ABTB2: variants seen among roughly 807,000 people sequenced by gnomAD.
The protein encoded by ABTB2 is ankyrin repeat and BTB/POZ domain-containing protein 2.
ABTB2 carries 56 observed loss-of-function variants against 104.1 expected under a neutral mutation model. That is an observed-to-expected ratio of 0.54 (90% CI 0.43 to 0.67). The LOEUF (loss-of-function observed/expected upper bound fraction) is 0.67. ABTB2 is among the 30% of genes least tolerant of loss of function. ABTB2 has a pLI of 0.00. For missense variants in ABTB2, 1,279 were observed against 1,407.7 expected (o/e 0.91, Z 1.46); for synonymous variants, 606 against 608.2 (o/e 1.00, Z 0.05).
chr11:34,159,430 C>T lies in ABTB2; in HGVS notation c.2607-44G>A, dbSNP rs745317229. On this transcript the variant is annotated intron_variant, in intron 13 of 16. Coordinates refer to ENST00000435224, the MANE Select transcript of ABTB2 (RefSeq NM_145804.3). ...AGCAAGGTGGGTTTTGAACCTTTTA[C>T]TTCACCACTGTGTGGCGATGGCACC... is the stretch of plus-strand genomic sequence containing the variant. The T allele has an allele frequency of 6.0e-6, 8 of 1,334,560 alleles. No homozygotes were observed. In the East Asian group the frequency reaches 1.4e-4, roughly 23 times the overall value. 82.7% of individuals were successfully genotyped at this position (1,334,560 alleles called of 1,614,324 possible). A position where few individuals can be genotyped will look rare whatever the true frequency, so the allele number is the denominator to read the frequency against.
intron 1 of ABTB2, among the ~76,000 whole-genome samples, chr11:34,340,554 C>T (rs777175025): frequency 3.9e-5 from 6 of 152,148 alleles, no homozygotes; most frequent in South Asian, 2.1e-4. Flanking sequence ...CAGAAGGATC[C>T]TTTCTACAGC....
chr11:34,219,154 AGAG>A (rs1590220185), intron 1 of ABTB2, among the ~76,000 whole-genome samples: 2 of 152,348 alleles, frequency 1.3e-5, no homozygotes, highest in South Asian at 2.1e-4. Flanking sequence ...GATAAATACT[AGAG>A]GAGGAGTCTG....
chr11:34,320,984 A>G (rs944372743), intron 1 of ABTB2, among the ~76,000 whole-genome samples: 1 of 152,140 alleles, frequency 6.6e-6, no homozygotes, highest in Non-Finnish European at 1.5e-5. Context: ...GGAGTTCAAG[A>G]CCAGCCTGAC....
intron 1 of ABTB2, among the ~76,000 whole-genome samples, chr11:34,319,292 C>G (rs919080261): frequency 8.5e-5 from 13 of 152,240 alleles, no homozygotes; most frequent in African/African-American, 3.1e-4. Context: ...ACAGAGACCT[C>G]CCCCTTTGTG....
At position 34,332,265 on chromosome 11, in the gene ABTB2, A is replaced by T. The variant is rs1428860159; in HGVS notation, c.883+24436T>A. Among the ~76,000 whole-genome samples the T allele has an allele frequency of 2.3e-5, 3 of 128,978 alleles. No homozygotes were observed. The Admixed American group carries it at 2.4e-4, about 10-fold the overall frequency. 84.6% of individuals were successfully genotyped at this position (128,978 alleles called of 152,430 possible). Reference sequence around the variant, plus strand: ...CTAGATCACATCACAAATTTGGAGCATTCACCCTCTAACCTGTCCCAGCCT... The same window carrying T: ...CTAGATCACATCACAAATTTGGAGCTTTCACCCTCTAACCTGTCCCAGCCT... On this transcript the variant is annotated intron_variant, in intron 1 of 16. Transcript: ENST00000435224.
At chr11:34,265,633 G>C (rs1854238457) in intron 1 of ABTB2, among the ~76,000 whole-genome samples, 1 of 139,072 alleles carries the variant, frequency 7.2e-6, no homozygotes, top group Non-Finnish European at 1.5e-5. Context: ...ACTCCAGCCT[G>C]GGCAACAAGA....
At chr11:34,276,372 T>A (rs1359184386) in intron 1 of ABTB2, among the ~76,000 whole-genome samples, 2 of 152,224 alleles carry the variant, frequency 1.3e-5, no homozygotes, top group Non-Finnish European at 2.9e-5. Flanking sequence ...TGGCTACAAA[T>A]AAAACCAATA....
At chr11:34,181,824 C>T (rs1313043033) in intron 3 of ABTB2, among the ~76,000 whole-genome samples, 4 of 152,234 alleles carry the variant, frequency 2.6e-5, no homozygotes, top group South Asian at 2.1e-4. Context: ...CAAGAGATGA[C>T]GATCAAGGGA....
chr11:34,337,119 T>G (rs550870591), intron 1 of ABTB2, among the ~76,000 whole-genome samples: 10 of 152,292 alleles, frequency 6.6e-5, no homozygotes, highest in Admixed American at 5.9e-4. Context: ...TGCAAGTGAG[T>G]GGATTCGGAT....
intron 1 of ABTB2, among the ~76,000 whole-genome samples, chr11:34,294,528 T>C (rs1238413045): frequency 1.3e-5 from 2 of 152,028 alleles, no homozygotes; most frequent in Non-Finnish European, 2.9e-5. Context: ...CGCTATGAGT[T>C]AGAAGACGGA....
chr11:34,337,054 G>A (rs1252390564), intron 1 of ABTB2, among the ~76,000 whole-genome samples: 5 of 152,140 alleles, frequency 3.3e-5, no homozygotes, highest in Non-Finnish European at 5.9e-5. Flanking sequence ...TACCCACACC[G>A]TCAATCACAA....
chr11:34,279,859 G>A (rs547112307), intron 1 of ABTB2, among the ~76,000 whole-genome samples: 2 of 147,428 alleles, frequency 1.4e-5, no homozygotes, highest in South Asian at 4.3e-4. Context: ...TGCGATCTCG[G>A]CTCACTGCAA....
intron 13 of ABTB2, 70 bp from the exon 14 acceptor site, chr11:34,159,456 A>G (rs937761939): frequency 3.1e-6 from 3 of 975,472 alleles, no homozygotes; most frequent in Non-Finnish European, 5.0e-6. Flanking sequence ...CGATGGCACC[A>G]TCTGTCACCT....
At chr11:34,179,509 C>A (rs1336769707) in intron 3 of ABTB2, among the ~76,000 whole-genome samples, 1 of 152,092 alleles carries the variant, frequency 6.6e-6, no homozygotes. Flanking sequence ...CTGGTGAATC[C>A]TAGAGTGGTG....
In ABTB2 at chr11:34,248,114, A is replaced by ATTTTTTTTTTTTTTTTTTTTTTTTT; in HGVS notation, c.884-43425_884-43424insAAAAAAAAAAAAAAAAAAAAAAAAA. 3.2e-3 allele frequency among the ~76,000 whole-genome samples: 398 copies of ATTTTTTTTTTTTTTTTTTTTTTTTT among 126,326 alleles called. 27 individuals are homozygous for ATTTTTTTTTTTTTTTTTTTTTTTTT. The highest frequency in any genetic ancestry group is 0.012 in the African/African-American group (375 of 32,090). The allele number at this position is 126,326 out of a possible 152,430, so 82.9% of individuals were successfully genotyped here. ...TTTTTCTTAAAAAAAAAAAAAAAAA[A>ATTTTTTTTTTTTTTTTTTTTTTTTT]AAAAAAAACAGGGTCTTGCCCTGTC... On this transcript the variant is annotated intron_variant, in intron 1 of 16. Coordinates refer to ENST00000435224, the MANE Select transcript of ABTB2 (RefSeq NM_145804.3).
intron 1 of ABTB2, among the ~76,000 whole-genome samples, chr11:34,351,524 G>A (rs1431091195): frequency 6.6e-6 from 1 of 152,220 alleles, no homozygotes; most frequent in Non-Finnish European, 1.5e-5. Flanking sequence ...GGTACCCAAA[G>A]GTTGGATGTA....
chr11:34,354,893 C>G (rs545182806), intron 1 of ABTB2, among the ~76,000 whole-genome samples: 4 of 151,028 alleles, frequency 2.6e-5, no homozygotes, highest in Non-Finnish European at 5.9e-5. Flanking sequence ...GTACAGAACT[C>G]TTTCCCTCAA....
intron 1 of ABTB2, among the ~76,000 whole-genome samples, chr11:34,299,334 T>A (rs1854669236): frequency 6.6e-6 from 1 of 152,086 alleles, no homozygotes; most frequent in African/African-American, 2.4e-5. Flanking sequence ...CCAAAGAAAA[T>A]GAAATCCAAA....
At chr11:34,256,575 A>G (rs1205346257) in intron 1 of ABTB2, among the ~76,000 whole-genome samples, 1 of 152,188 alleles carries the variant, frequency 6.6e-6, no homozygotes, top group African/African-American at 2.4e-5. Flanking sequence ...TTGGGAAAAG[A>G]AGCCAGGGTT....
Sources: gnomAD v4.1 joint callset for allele counts (sites outside exome capture counted in the v4.1 genomes callset) on GRCh38, gnomAD v4.1.1 for gene constraint, MANE v1.5 for transcripts, NCBI Gene and HGNC (gene_info 2026-07-23, HGNC 2026-07-21) for gene names.